TTC33: variants seen among roughly 807,000 people sequenced by gnomAD.
The protein encoded by TTC33 is tetratricopeptide repeat protein 33.
In TTC33, 24 loss-of-function variants were observed where a neutral mutation model predicts 29.4. The observed-to-expected ratio is 0.82, with a 90% CI of 0.59 to 1.15. TTC33 has a LOEUF of 1.15. Among genes scored for constraint, TTC33 ranks in the 50% most tolerant of loss-of-function variants. TTC33 has a pLI of 0.00. For synonymous variants in TTC33, 107 were observed against 100.3 expected (o/e 1.07, Z -0.40); for missense variants, 286 against 310.4 (o/e 0.92, Z 0.59).
At chr5:40,746,600 T>C (rs1387534825) in intron 2 of TTC33, among the ~76,000 whole-genome samples, 198 bp downstream of exon 2, 5 of 152,178 alleles carry the variant, frequency 3.3e-5, no homozygotes, top group African/African-American at 1.2e-4. Flanking sequence ...TTACAAACTT[T>C]CATTGCATCC....
chr5:40,738,539 C>CAATAAAATACAATAA (rs1554027946), intron 2 of TTC33, among the ~76,000 whole-genome samples: 20 of 67,438 alleles, frequency 3.0e-4, no homozygotes, highest in African/African-American at 5.2e-4. Flanking sequence ...CAATAAAATA[C>CAATAAAATACAATAA]AATAAAATAA....
At chr5:40,755,310 G>A (rs1742964523) in intron 1 of TTC33, among the ~76,000 whole-genome samples, 2 of 152,190 alleles carry the variant, frequency 1.3e-5, no homozygotes, top group African/African-American at 4.8e-5. Context: ...TGGGTAAAAG[G>A]AGGTATTCAG....
At chr5:40,723,807 G>C (rs1221985654) in intron 4 of TTC33, among the ~76,000 whole-genome samples, 1 of 151,956 alleles carries the variant, frequency 6.6e-6, no homozygotes, top group African/African-American at 2.4e-5. Flanking sequence ...AGAGGTTACA[G>C]TGAGCCGAGA....
At position 40,712,121 on chromosome 5, in the gene TTC33, A is replaced by T. The variant is rs1741909321; in HGVS notation, c.*4024T>A. Among the ~76,000 whole-genome samples the T allele has an allele frequency of 6.6e-6, 1 of 152,140 alleles. No homozygotes were observed. The highest frequency in any genetic ancestry group is 2.1e-4 in the South Asian group (1 of 4,834). Reference sequence around the variant, plus strand: ...AGGTGAACAGAGGATATCCTAATTCATTTCACATTCTTCCCTTCCAATTCA... The same window carrying T: ...AGGTGAACAGAGGATATCCTAATTCTTTTCACATTCTTCCCTTCCAATTCA... On this transcript the variant is annotated 3_prime_UTR_variant, in exon 5 of 5. Transcript: ENST00000337702.
intron 1 of TTC33, among the ~76,000 whole-genome samples, chr5:40,753,510 G>A (rs1297493447): frequency 6.6e-6 from 1 of 152,084 alleles, no homozygotes; most frequent in African/African-American, 2.4e-5. Context: ...TAAGGACAAT[G>A]CAAACTCTCT....
chr5:40,753,183 G>A (rs921427656), intron 1 of TTC33, among the ~76,000 whole-genome samples: 1 of 152,024 alleles, frequency 6.6e-6, no homozygotes, highest in Non-Finnish European at 1.5e-5. Flanking sequence ...TGGCCAACAT[G>A]GTGAAACCCC....
At chr5:40,752,131 C>T (rs909931609) in intron 1 of TTC33, among the ~76,000 whole-genome samples, 1 of 152,178 alleles carries the variant, frequency 6.6e-6, no homozygotes, top group Non-Finnish European at 1.5e-5. Context: ...TCAAACTTTA[C>T]TTTGGCAGCT....
intron 2 of TTC33, among the ~76,000 whole-genome samples, chr5:40,737,463 A>C (rs1307800293): frequency 6.6e-6 from 1 of 152,222 alleles, no homozygotes; most frequent in Non-Finnish European, 1.5e-5. Context: ...ATTAACTTGC[A>C]ATATAACAGC....
At chr5:40,741,849 CGT>C (rs1414512256) in intron 2 of TTC33, among the ~76,000 whole-genome samples, 1 of 152,002 alleles carries the variant, frequency 6.6e-6, no homozygotes, top group Non-Finnish European at 1.5e-5. Context: ...ATTAGCCAGG[CGT>C]GGTGGCACAC....
chr5:40,720,433 T>C (rs1742100558), intron 4 of TTC33, among the ~76,000 whole-genome samples: 1 of 152,238 alleles, frequency 6.6e-6, no homozygotes, highest in Admixed American at 6.5e-5. Flanking sequence ...AGTACTATAC[T>C]GTCTTGATTA....
At chr5:40,723,530 A>G (rs996866730) in intron 4 of TTC33, among the ~76,000 whole-genome samples, 1 of 145,394 alleles carries the variant, frequency 6.9e-6, no homozygotes, top group Non-Finnish European at 1.5e-5. Context: ...AAAAAAAAAG[A>G]AATATCACCT....
intron 1 of TTC33, among the ~76,000 whole-genome samples, chr5:40,751,120 C>T (rs1046900593): frequency 3.3e-5 from 5 of 152,218 alleles, no homozygotes; most frequent in African/African-American, 1.2e-4. Flanking sequence ...TTTCAATTGA[C>T]TTTGTCCAAA....
In TTC33 at chr5:40,719,582, C is replaced by T. The variant is rs184786420; in HGVS notation, c.436-3084G>A. ...GGTATAAAGAGTGGAACTGTTTTGTCATATGATAACTATATGTTTCATTTT... is the reference window on the plus strand; with the variant it reads ...GGTATAAAGAGTGGAACTGTTTTGTTATATGATAACTATATGTTTCATTTT... On this transcript the variant is annotated intron_variant, in intron 4 of 4. Transcript: ENST00000337702. Among the ~76,000 whole-genome samples, 632 of 152,244 alleles carry T rather than the reference C, an allele frequency of 4.2e-3. 3 individuals carry two copies. Among genetic ancestry groups the T allele is most frequent in the African/African-American group, 0.015 (606 of 41,542 alleles).
chr5:40,720,700 A>C (rs1047949192), intron 4 of TTC33, among the ~76,000 whole-genome samples: 1 of 152,176 alleles, frequency 6.6e-6, no homozygotes, highest in African/African-American at 2.4e-5. Flanking sequence ...TGAGAAATCC[A>C]GAAACTAACT....
At chr5:40,726,199 A>G (rs887581304) in intron 4 of TTC33, among the ~76,000 whole-genome samples, 1 of 140,098 alleles carries the variant, frequency 7.1e-6, no homozygotes, top group African/African-American at 2.8e-5. Context: ...AATGTATACC[A>G]TATACATACA....
At chr5:40,743,321 A>G (rs1271938036) in intron 2 of TTC33, among the ~76,000 whole-genome samples, 1 of 152,222 alleles carries the variant, frequency 6.6e-6, no homozygotes, top group Non-Finnish European at 1.5e-5. Context: ...TATAATAACT[A>G]TGTTCAAAAA....
At chr5:40,731,793 C>G (rs571671982) in intron 2 of TTC33, among the ~76,000 whole-genome samples, 45 of 152,276 alleles carry the variant, frequency 3.0e-4, no homozygotes, top group African/African-American at 1.1e-3. Context: ...TCAAAGGCTC[C>G]TCCTCTAAGA....
At chr5:40,720,200 T>C (rs1338699089) in intron 4 of TTC33, among the ~76,000 whole-genome samples, 1 of 152,182 alleles carries the variant, frequency 6.6e-6, no homozygotes, top group Admixed American at 6.5e-5. Context: ...TTTAGGTCTT[T>C]GTTTGTTTTT....
chr5:40,755,203 G>A (rs915956513), intron 1 of TTC33, among the ~76,000 whole-genome samples: 2 of 152,142 alleles, frequency 1.3e-5, no homozygotes, highest in African/African-American at 4.8e-5. Flanking sequence ...TTACCCAGCC[G>A]CCAGAGAGGG....
Sources: gnomAD v4.1 joint callset for allele counts (sites outside exome capture counted in the v4.1 genomes callset) on GRCh38, gnomAD v4.1.1 for gene constraint, MANE v1.5 for transcripts, NCBI Gene and HGNC (gene_info 2026-07-23, HGNC 2026-07-21) for gene names.